PPIC: variants seen among roughly 807,000 people sequenced by gnomAD.
The protein encoded by PPIC is peptidyl-prolyl cis-trans isomerase C.
A neutral mutation model predicts 19.5 loss-of-function variants in PPIC; 19 were observed. The observed-to-expected ratio is 0.98, with a 90% CI of 0.68 to 1.43. PPIC has a LOEUF of 1.43. Among genes scored for constraint, PPIC ranks in the 40% most tolerant of loss-of-function variants. PPIC has a pLI of 0.00. For missense variants in PPIC, 268 were observed against 268.6 expected, an observed-to-expected ratio of 1.00 and a Z score of 0.02; for synonymous variants, 107 against 101.2, an observed-to-expected ratio of 1.06 and a Z score of -0.34.
chr5:123,036,196 G>C lies in PPIC; in HGVS notation c.117+313C>G, dbSNP rs1041225177. The C allele has an allele frequency of 2.5e-5, 10 of 394,256 alleles. No individual in the cohort carries two copies. Among genetic ancestry groups the C allele is most frequent in the Admixed American group, 2.5e-4 (6 of 23,964 alleles). The allele number at this position is 394,256 out of a possible 1,614,324, so 24.4% of individuals were successfully genotyped here. ...TTGGGCAGTCTCTTTCCTGGAGAACGGGCCCGCCGGTTCCGGAAGCCTCTC... is the reference window on the plus strand; with the variant it reads ...TTGGGCAGTCTCTTTCCTGGAGAACCGGCCCGCCGGTTCCGGAAGCCTCTC... On this transcript the variant is annotated intron_variant, in intron 1 of 4. Transcript: ENST00000306442. This position sits in a 1 kb window ranked among gnomAD's most constrained non-coding sequence, Gnocchi z 4.5.
chr5:123,031,660 C>T (rs184926069), intron 1 of PPIC, among the ~76,000 whole-genome samples: 5 of 152,148 alleles, frequency 3.3e-5, no homozygotes, highest in East Asian at 3.9e-4. Context: ...TAAGGTCAAG[C>T]GAGGCTCTGG....
intron 1 of PPIC, among the ~76,000 whole-genome samples, chr5:123,033,857 C>T (rs1347975474): frequency 2.0e-5 from 3 of 152,252 alleles, no homozygotes. Flanking sequence ...ATTTCATACA[C>T]TCCCGATGCC....
intron 3 of PPIC, among the ~76,000 whole-genome samples, chr5:123,027,301 C>T (rs1762874238): frequency 6.6e-6 from 1 of 152,054 alleles, no homozygotes; most frequent in Non-Finnish European, 1.5e-5. Context: ...ACAGAAGGGT[C>T]TACACTATAT....
chr5:123,028,195 C>T (rs1347506752), intron 3 of PPIC, among the ~76,000 whole-genome samples: 2 of 152,200 alleles, frequency 1.3e-5, no homozygotes, highest in Non-Finnish European at 2.9e-5. Context: ...TGTAACCCAA[C>T]ATTTTAGAAC....
chr5:123,026,633 G>T (rs1762858587), intron 3 of PPIC, among the ~76,000 whole-genome samples: 1 of 152,176 alleles, frequency 6.6e-6, no homozygotes, highest in African/African-American at 2.4e-5. Context: ...GGAAGTTGTT[G>T]GTCACAGCAA....
intron 1 of PPIC, among the ~76,000 whole-genome samples, chr5:123,035,602 A>G (rs1458939208): frequency 2.6e-5 from 4 of 152,174 alleles, no homozygotes; most frequent in Admixed American, 2.6e-4. Flanking sequence ...GACAAACCCC[A>G]GACTGATGAA....
intron 3 of PPIC, among the ~76,000 whole-genome samples, chr5:123,027,910 T>A (rs1218530680): frequency 6.6e-6 from 1 of 152,218 alleles, no homozygotes; most frequent in Non-Finnish European, 1.5e-5. Context: ...ATAGCTATAA[T>A]CCTGAATGAG....
Position 123,028,789 on chromosome 5 carries a change from C to G in PPIC, c.311G>C (p.Gly104Ala). 6.2e-7 allele frequency: 1 copy of G among 1,613,090 alleles called. No homozygotes were observed. Among genetic ancestry groups the G allele is most frequent in the Non-Finnish European group, 8.5e-7 (1 of 1,179,098 alleles). Residue 104 changes from glycine to alanine, a missense_variant, in exon 3 of 5, where the codon GGA (glycine) becomes GCA (alanine). Gly to Ala is a moderately conservative substitution (Grantham distance 60). Transcript: ENST00000306442. ...AAAGACGTTACCCCCAGTGCCATCTCCAGTGGTGATGTCACCTCCTTGAAT... is the reference window on the plus strand; with the variant it reads ...AAAGACGTTACCCCCAGTGCCATCTGCAGTGGTGATGTCACCTCCTTGAAT... ...FMIQGGDITTGDGTGGVSIYG... is the reference protein window; with the variant it reads ...FMIQGGDITTADGTGGVSIYG...
At position 123,023,787 on chromosome 5, in the gene PPIC, A is replaced by C; in HGVS notation, c.*88T>G. Reference sequence around the variant, plus strand: ...AAAAAGAAAGTAAAAAAAAAAAAGCAAATAATTGAAAGACAACACAACACA... The same window carrying C: ...AAAAAGAAAGTAAAAAAAAAAAAGCCAATAATTGAAAGACAACACAACACA... On this transcript the variant is annotated 3_prime_UTR_variant, in exon 5 of 5. Coordinates refer to ENST00000306442, the MANE Select transcript of PPIC (RefSeq NM_000943.5). 3 of 1,366,726 alleles carry C rather than the reference A, an allele frequency of 2.2e-6. No homozygotes were observed. Among genetic ancestry groups the C allele is most frequent in the Non-Finnish European group, 2.9e-6 (3 of 1,042,872 alleles). 84.7% of individuals were successfully genotyped at this position (1,366,726 alleles called of 1,614,324 possible).
At position 123,023,789 on chromosome 5, in the gene PPIC, A is replaced by T; in HGVS notation, c.*86T>A. On this transcript the variant is annotated 3_prime_UTR_variant, in exon 5 of 5. Transcript: ENST00000306442. ...AAAGAAAGTAAAAAAAAAAAAGCAA[A>T]TAATTGAAAGACAACACAACACACA... The T allele has an allele frequency of 2.2e-6, 3 of 1,366,174 alleles. No individual in the cohort carries two copies. Among genetic ancestry groups the T allele is most frequent in the Non-Finnish European group, 2.9e-6 (3 of 1,041,978 alleles). The allele number at this position is 1,366,174 out of a possible 1,614,324, so 84.6% of individuals were successfully genotyped here.
rs1054284688 is a variant in PPIC at position 123,036,057 on chromosome 5, C to T, written c.117+452G>A. 1.3e-5 allele frequency among the ~76,000 whole-genome samples: 2 copies of T among 152,272 alleles called. No homozygotes were observed. The highest frequency in any genetic ancestry group is 3.4e-3 in the Middle Eastern group (1 of 294). The stretch of plus-strand genomic sequence containing the variant: ...CGCGGCCAGCGTGGAGACCACGCAG[C>T]GGGCGGGCGGCTGCAAGCCCTGGGC... On this transcript the variant is annotated intron_variant, in intron 1 of 4. Coordinates refer to ENST00000306442, the MANE Select transcript of PPIC (RefSeq NM_000943.5). This position sits in a 1 kb window ranked among gnomAD's most constrained non-coding sequence, Gnocchi z 4.5.
chr5:123,031,453 G>T (rs1447047677), intron 1 of PPIC, among the ~76,000 whole-genome samples: 1 of 152,194 alleles, frequency 6.6e-6, no homozygotes, highest in Non-Finnish European at 1.5e-5. Context: ...TTGCCTGGCA[G>T]ACTTCTTTCT....
intron 3 of PPIC, 116 bp downstream of exon 3, chr5:123,028,659 A>T: frequency 1.3e-6 from 1 of 752,408 alleles, no homozygotes; most frequent in Non-Finnish European, 2.1e-6. Context: ...AAAGAGGTAC[A>T]GTCGTCTTTA....
chr5:123,035,582 C>T lies in PPIC; in HGVS notation c.117+927G>A, dbSNP rs531390064. On this transcript the variant is annotated intron_variant, in intron 1 of 4. Coordinates refer to ENST00000306442, the MANE Select transcript of PPIC (RefSeq NM_000943.5). ...AAGCATTCTACTCGTTGATTAGTATCGTTTCCATTGACAAACCCCAGACTG... is the reference window on the plus strand; with the variant it reads ...AAGCATTCTACTCGTTGATTAGTATTGTTTCCATTGACAAACCCCAGACTG... 1.1e-4 allele frequency among the ~76,000 whole-genome samples: 17 copies of T among 152,284 alleles called. No homozygotes were observed. The South Asian group carries it at 3.5e-3, about 32-fold the overall frequency.
chr5:123,034,240 A>T (rs1762975401), intron 1 of PPIC, among the ~76,000 whole-genome samples: 1 of 152,236 alleles, frequency 6.6e-6, no homozygotes, highest in Admixed American at 6.5e-5. Flanking sequence ...AAGTTCATGA[A>T]AAAGTAATTT....
chr5:123,025,856 G>T lies in PPIC; in HGVS notation c.438C>A (p.Phe146Leu). Reference sequence around the variant, plus strand: ...AGGTGGGCTTGGTCAAGGTGATAAAGAACTGAGAGCCATTGGTGTCAGGCC... The same window carrying T: ...AGGTGGGCTTGGTCAAGGTGATAAATAACTGAGAGCCATTGGTGTCAGGCC... ...NAGPDTNGSQ[F>L]FITLTKPTWL... Residue 146 changes from phenylalanine (F) to leucine (L), a missense_variant, in exon 4 of 5, where the codon TTC becomes TTA. Coordinates refer to ENST00000306442, the MANE Select transcript of PPIC (RefSeq NM_000943.5). 6.2e-7 allele frequency: 1 copy of T among 1,614,142 alleles called. No homozygotes were observed. The highest frequency in any genetic ancestry group is 8.5e-7 in the Non-Finnish European group (1 of 1,180,024).
At position 123,029,337 on chromosome 5, in the gene PPIC, C is replaced by T. The variant is rs372063373; in HGVS notation, c.199G>A (p.Val67Met). The T allele has an allele frequency of 9.3e-6, 15 of 1,613,018 alleles. No individual in the cohort carries two copies. The highest frequency in any genetic ancestry group is 1.3e-5 in the African/African-American group (1 of 74,906). Residue 67 changes from valine (V) to methionine (M), a missense_variant, in exon 2 of 5, where the codon GTG (valine) becomes ATG (methionine). By Grantham distance (21) the Val-to-Met change is conservative (BLOSUM62 1). Coordinates refer to ENST00000306442, the MANE Select transcript of PPIC (RefSeq NM_000943.5). The stretch of plus-strand genomic sequence containing the variant: ...GTTGCTAGAGCAACAAAATTTTCCA[C>T]TGTCTTGGGCACAACTTTTCCAAAG... ...GLFGKVVPKT[V>M]ENFVALATGE...
chr5:123,034,959 A>T (rs1383195724), intron 1 of PPIC, among the ~76,000 whole-genome samples: 3 of 151,882 alleles, frequency 2.0e-5, no homozygotes, highest in African/African-American at 7.3e-5. Context: ...TATGCTTAAA[A>T]CCCTTCAGTG....
intron 1 of PPIC, 29 bp from the exon 2 acceptor site, chr5:123,029,447 G>A (rs374266523): frequency 3.8e-5 from 58 of 1,530,990 alleles, no homozygotes; most frequent in East Asian, 6.8e-5. Flanking sequence ...CAAAGTGGAA[G>A]GTTATAAGGT....
Sources: allele counts gnomAD v4.1 joint callset (sites outside exome capture counted in the v4.1 genomes callset), GRCh38; gene constraint gnomAD v4.1.1; non-coding constraint Gnocchi (gnomAD v3.1); transcripts MANE v1.5; gene names NCBI Gene and HGNC (gene_info 2026-07-23, HGNC 2026-07-21).